The following ZNF33B variants were observed in gnomAD, a reference collection of about 807,000 sequenced individuals.
ZNF33B encodes zinc finger protein 11b (KOX 2).
ZNF33B carries 29 observed loss-of-function variants against 45.8 expected under a neutral mutation model. That is an observed-to-expected ratio of 0.63 (90% CI 0.47 to 0.86). The LOEUF (loss-of-function observed/expected upper bound fraction) is 0.86. ZNF33B is among the 40% of genes least tolerant of loss of function. The pLI, the probability that ZNF33B is intolerant of heterozygous loss-of-function variation, is 0.00. For missense variants in ZNF33B, 831 were observed against 909.9 expected (o/e 0.91, Z 1.12); for synonymous variants, 305 against 307.8 (o/e 0.99, Z 0.10).
At chr10:42,623,857 T>G (rs773983033) in intron 4 of ZNF33B, among the ~76,000 whole-genome samples, 1 of 152,266 alleles carries the variant, frequency 6.6e-6, no homozygotes, top group Non-Finnish European at 1.5e-5. Context: ...CAAAACAATA[T>G]ATTGTCAAAA....
intron 4 of ZNF33B, among the ~76,000 whole-genome samples, chr10:42,617,366 A>T (rs941092994): frequency 1.3e-5 from 2 of 151,842 alleles, no homozygotes; most frequent in African/African-American, 4.8e-5. Context: ...GGCCTCCCAA[A>T]GTGTTGAAAT....
intron 4 of ZNF33B, among the ~76,000 whole-genome samples, chr10:42,612,314 C>A (rs1160033501): frequency 6.7e-6 from 1 of 148,242 alleles, no homozygotes; most frequent in African/African-American, 2.5e-5. Flanking sequence ...CAGCTCACTG[C>A]AACCTCTGCG....
chr10:42,636,813 G>A, intron 2 of ZNF33B, 107 bp downstream of exon 2: 1 of 1,508,304 alleles, frequency 6.6e-7, no homozygotes, highest in East Asian at 2.3e-5. Flanking sequence ...GGGCGACAGA[G>A]CGAGACTCCA....
At chr10:42,622,754 A>G (rs951002415) in intron 4 of ZNF33B, among the ~76,000 whole-genome samples, 9 of 152,172 alleles carry the variant, frequency 5.9e-5, no homozygotes, top group Admixed American at 3.3e-4. Context: ...ATGATGACAA[A>G]TGACCAAAAA....
At chr10:42,581,401 T>C (rs528937837) in intron 1 of ZNF33B, among the ~76,000 whole-genome samples, 3 of 144,930 alleles carry the variant, frequency 2.1e-5, no homozygotes, top group South Asian at 2.2e-4. Flanking sequence ...GAGGTGGAGG[T>C]TGCAGTGAGC....
intron 1 of ZNF33B, among the ~76,000 whole-genome samples, chr10:42,578,089 GAC>G (rs35228327): frequency 0.58 from 88,420 of 151,882 alleles, 29,792 homozygotes; most frequent in Non-Finnish European, 0.77. Context: ...TGAGGAAACA[GAC>G]ACTGATCCTG....
chr10:42,607,348 CAT>C (rs1219293328), intron 4 of ZNF33B, among the ~76,000 whole-genome samples: 2 of 110,850 alleles, frequency 1.8e-5, no homozygotes, highest in Non-Finnish European at 1.9e-5. Flanking sequence ...CATAAACAAA[CAT>C]AGAGAGTGGA....
intron 4 of ZNF33B, among the ~76,000 whole-genome samples, chr10:42,597,094 C>G (rs1251414728): frequency 1.3e-5 from 2 of 152,010 alleles, no homozygotes; most frequent in Admixed American, 1.3e-4. Flanking sequence ...TTCTATTCTT[C>G]ATTTGAGAGT....
chr10:42,631,395 G>T (rs769914220), intron 4 of ZNF33B, among the ~76,000 whole-genome samples: 2 of 152,052 alleles, frequency 1.3e-5, no homozygotes, highest in African/African-American at 4.8e-5. Context: ...AGTACAGATG[G>T]AGTTTCACCA....
At chr10:42,633,551 T>C (rs928073628) in intron 2 of ZNF33B, among the ~76,000 whole-genome samples, 3 of 152,026 alleles carry the variant, frequency 2.0e-5, no homozygotes, top group African/African-American at 7.3e-5. Context: ...AGAAAAAAAA[T>C]GTTTCCTCTG....
Position 42,594,400 on chromosome 10 carries a change from C to T in ZNF33B, c.550G>A (p.Glu184Lys). Reference protein sequence around the residue: ...GKLLLNIKHDETHTREKNEVL... With the variant: ...GKLLLNIKHDKTHTREKNEVL... ...TCATTTTTCTCTCGAGTATGAGTTT[C>T]ATCATGCTTAATATTGAGTAACAAT... Residue 184 changes from glutamate to lysine, a missense_variant, in exon 5 of 5, where the codon GAA (glutamate) becomes AAA (lysine). Glu to Lys is a moderately conservative substitution (Grantham distance 56). Coordinates refer to ENST00000359467, the MANE Select transcript of ZNF33B (RefSeq NM_006955.3). 1.2e-6 allele frequency: 2 copies of T among 1,613,832 alleles called. No homozygotes were observed. The highest frequency in any genetic ancestry group is 8.5e-7 in the Non-Finnish European group (1 of 1,179,840).
At chr10:42,614,519 C>T (rs1465380816) in intron 4 of ZNF33B, among the ~76,000 whole-genome samples, 2 of 152,150 alleles carry the variant, frequency 1.3e-5, no homozygotes, top group Non-Finnish European at 1.5e-5. Flanking sequence ...AACATACCAC[C>T]CTAATATGTT....
chr10:42,632,724 A>G (rs1378941760), intron 2 of ZNF33B, among the ~76,000 whole-genome samples: 1 of 152,220 alleles, frequency 6.6e-6, no homozygotes, highest in African/African-American at 2.4e-5. Context: ...ACATGGTAAC[A>G]TGTTGCAAGT....
intron 2 of ZNF33B, among the ~76,000 whole-genome samples, chr10:42,634,940 G>C (rs1839219634): frequency 6.6e-6 from 1 of 152,142 alleles, no homozygotes. Context: ...AACTTTTTCT[G>C]TAAAAAATCA....
Position 42,638,487 on chromosome 10 carries a change from C to T in ZNF33B, c.-58G>A, listed in dbSNP as rs1022646513. The T allele has an allele frequency of 1.1e-5, 5 of 461,992 alleles. No homozygotes were observed. The highest frequency in any genetic ancestry group is 8.0e-5 in the African/African-American group (4 of 50,032). The allele number at this position is 461,992 out of a possible 1,614,324, so 28.6% of individuals were successfully genotyped here. ...GCGGAGGCTTACCTCACTCTCTCTT[C>T]GGGTTGCATTCGCCATAAGAGAGCC... On this transcript the variant is annotated 5_prime_UTR_variant, in exon 1 of 5. Transcript: ENST00000359467.
intron 4 of ZNF33B, among the ~76,000 whole-genome samples, chr10:42,610,093 A>T (rs2132091145): frequency 6.6e-6 from 1 of 152,352 alleles, no homozygotes; most frequent in African/African-American, 2.4e-5. Flanking sequence ...GAAAAAAAAA[A>T]GTGGAACTAT....
chr10:42,625,985 TC>T (rs1838789613), intron 4 of ZNF33B, among the ~76,000 whole-genome samples: 1 of 152,270 alleles, frequency 6.6e-6, no homozygotes. Context: ...AGAAAACATT[TC>T]ATCTTACCAG....
chr10:42,580,509 G>A (rs779591240), intron 1 of ZNF33B, among the ~76,000 whole-genome samples: 2 of 151,894 alleles, frequency 1.3e-5, no homozygotes, highest in Non-Finnish European at 2.9e-5. Context: ...AAGTGCTGGG[G>A]TTACAGGAGT....
chr10:42,615,970 C>T (rs1299192211), intron 4 of ZNF33B, among the ~76,000 whole-genome samples: 1 of 150,910 alleles, frequency 6.6e-6, no homozygotes, highest in Non-Finnish European at 1.5e-5. Flanking sequence ...CGCCTGTAAT[C>T]TCAGCACTTT....
Sources: gnomAD v4.1 joint callset for allele counts (sites outside exome capture counted in the v4.1 genomes callset) on GRCh38, gnomAD v4.1.1 for gene constraint, MANE v1.5 for transcripts, NCBI Gene and HGNC (gene_info 2026-07-23, HGNC 2026-07-21) for gene names.